The following TRPA1 variants were observed in gnomAD, a reference collection of about 807,000 sequenced individuals.
The protein encoded by TRPA1 is transient receptor potential cation channel subfamily A member 1.
TRPA1 carries 129 observed loss-of-function variants against 131.3 expected under a neutral mutation model. The observed-to-expected ratio is 0.98, with a 90% CI of 0.85 to 1.14. The LOEUF (loss-of-function observed/expected upper bound fraction) is 1.14. TRPA1 is among the 50% of genes most tolerant of loss of function. The probability of loss-of-function intolerance (pLI) is 0.00; values close to 1 mark genes in which losing one functional copy is unlikely to be tolerated. For missense variants in TRPA1, 1,304 were observed against 1,354.2 expected (o/e 0.96, Z 0.58); for synonymous variants, 441 against 451.7 (o/e 0.98, Z 0.30).
the TRPA1 span, among the ~76,000 whole-genome samples, chr8:72,081,621 G>C: frequency 1.3e-5 from 2 of 151,744 alleles, no homozygotes; most frequent in Non-Finnish European, 3.0e-5. Flanking sequence ...TTGTTAAATT[G>C]TCTATTTCTT....
At chr8:72,048,660 T>C (rs1432486551) in intron 15 of TRPA1, among the ~76,000 whole-genome samples, 2 of 152,084 alleles carry the variant, frequency 1.3e-5, no homozygotes, top group African/African-American at 4.8e-5. Context: ...TTCAGAAATG[T>C]TGTATAAGTA....
At chr8:72,049,671 G>A (rs558133678) in intron 15 of TRPA1, among the ~76,000 whole-genome samples, 19 of 152,192 alleles carry the variant, frequency 1.2e-4, no homozygotes, top group African/African-American at 1.4e-4. Context: ...TGTATTTAAC[G>A]TAGCAAAAGG....
chr8:72,057,915 CTATAT>C (rs1805713521), intron 8 of TRPA1, 99 bp from the exon 9 acceptor site: 1 of 896,820 alleles, frequency 1.1e-6, no homozygotes, highest in Non-Finnish European at 1.8e-6. Flanking sequence ...TACAGAGTGT[CTATAT>C]TATGGCTAGC....
At chr8:72,025,332 C>T (rs12549174) in intron 25 of TRPA1, among the ~76,000 whole-genome samples, 2,056 of 152,156 alleles carry the variant, frequency 0.014, 62 homozygotes, top group Admixed American at 0.078. Flanking sequence ...GTTCCTCATG[C>T]GTTCGTTCTC....
intron 1 of TRPA1, among the ~76,000 whole-genome samples, chr8:72,073,020 A>G (rs1806100241): frequency 6.6e-6 from 1 of 152,158 alleles, no homozygotes; most frequent in African/African-American, 2.4e-5. Context: ...ATTTAGACAA[A>G]ATATATATTC....
chr8:72,033,144 T>G (rs552719019), intron 23 of TRPA1, among the ~76,000 whole-genome samples: 1 of 152,280 alleles, frequency 6.6e-6, no homozygotes, highest in East Asian at 1.9e-4. Flanking sequence ...CCCACTTGAA[T>G]CTCTGGTCAA....
chr8:72,053,638 A>G (rs370313378), intron 13 of TRPA1, 115 bp downstream of exon 13: 2 of 789,138 alleles, frequency 2.5e-6, no homozygotes, highest in African/African-American at 1.7e-5. Flanking sequence ...AACACCCAAC[A>G]AAAGGCTGGG....
upstream of TRPA1, among the ~76,000 whole-genome samples, chr8:72,080,400 CACTT>C (rs934069625): frequency 1.6e-4 from 24 of 151,670 alleles, no homozygotes; most frequent in African/African-American, 5.1e-4. Flanking sequence ...GTTTTTTTCT[CACTT>C]ACATTATTTT....
At chr8:72,057,304 T>C (rs529416562) in intron 9 of TRPA1, among the ~76,000 whole-genome samples, 7 of 152,256 alleles carry the variant, frequency 4.6e-5, no homozygotes, top group African/African-American at 1.4e-4. Context: ...ATAGACACAT[T>C]AGAGATCAAG....
At chr8:72,065,134 C>G (rs1394777999) in intron 4 of TRPA1, among the ~76,000 whole-genome samples, 1 of 152,102 alleles carries the variant, frequency 6.6e-6, no homozygotes, top group African/African-American at 2.4e-5. Flanking sequence ...AACATCCAGG[C>G]CATTATACTT....
chr8:72,057,076 G>A (rs755464689), intron 9 of TRPA1, 59 bp from the exon 10 acceptor site: 310 of 1,372,784 alleles, frequency 2.3e-4, no homozygotes, highest in Non-Finnish European at 2.9e-4. Flanking sequence ...CAATGTTTAC[G>A]TGGATTTTCA....
intron 26 of TRPA1, chr8:72,023,536 G>A (rs1245119975): frequency 2.4e-6 from 1 of 420,136 alleles, no homozygotes; most frequent in African/African-American, 2.0e-5. Flanking sequence ...GAATTCAGAT[G>A]AAGAATACAG....
intron 21 of TRPA1, among the ~76,000 whole-genome samples, chr8:72,035,784 A>C (rs988649523): frequency 2.6e-5 from 4 of 152,084 alleles, no homozygotes; most frequent in African/African-American, 4.8e-5. Context: ...AAGAATAGCC[A>C]ATACTTTTAA....
intron 23 of TRPA1, among the ~76,000 whole-genome samples, chr8:72,033,217 C>T (rs1012870386): frequency 6.6e-6 from 1 of 152,222 alleles, no homozygotes; most frequent in African/African-American, 2.4e-5. Flanking sequence ...GACCCCCTCT[C>T]CAACTCCAAA....
chr8:72,083,531 G>A, the TRPA1 span, among the ~76,000 whole-genome samples: 89 of 151,214 alleles, frequency 5.9e-4, 1 homozygote, highest in South Asian at 0.01. Context: ...TCAAGGGATC[G>A]AGACCATCCT....
upstream of TRPA1, among the ~76,000 whole-genome samples, chr8:72,077,977 C>G (rs995230299): frequency 4.0e-5 from 6 of 151,668 alleles, no homozygotes; most frequent in Non-Finnish European, 7.4e-5. Flanking sequence ...TGACATTACA[C>G]AGGACCTTAT....
At position 72,071,730 on chromosome 8, in the gene TRPA1, G is replaced by A. The variant is rs1806065537; in HGVS notation, c.249C>T (p.Thr83=). ...EGQIELMEKI[T]RDSSLEVLHE... ...TGTTACCTTCCAAAGAGGAATCTCT[G>A]GTGATCTTCTCCATTAGCTCAATTT... is the stretch of plus-strand genomic sequence containing the variant. The change falls in exon 2 of 27, where the codon ACC becomes ACT. Residue 83 remains threonine, a synonymous_variant. Transcript: ENST00000262209. 1 of 1,613,688 alleles carries A rather than the reference G, an allele frequency of 6.2e-7. No homozygotes were observed. Among genetic ancestry groups the A allele is most frequent in the East Asian group, 2.2e-5 (1 of 44,836 alleles).
At chr8:72,085,065 G>T in the TRPA1 span, among the ~76,000 whole-genome samples, 1 of 151,784 alleles carries the variant, frequency 6.6e-6, no homozygotes, top group Non-Finnish European at 1.5e-5. Flanking sequence ...CCTTTTCAAT[G>T]CAAATATTGA....
chr8:72,035,382 C>A (rs1371611731), intron 21 of TRPA1, among the ~76,000 whole-genome samples: 1 of 152,172 alleles, frequency 6.6e-6, no homozygotes, highest in African/African-American at 2.4e-5. Flanking sequence ...GCACTCAACT[C>A]TATCACTGTG....
Sources: allele counts gnomAD v4.1 joint callset (sites outside exome capture counted in the v4.1 genomes callset), GRCh38; gene constraint gnomAD v4.1.1; transcripts MANE v1.5; gene names NCBI Gene and HGNC (gene_info 2026-07-23, HGNC 2026-07-21).